ACTN1: variants seen among roughly 807,000 people sequenced by gnomAD.
The protein encoded by ACTN1 is alpha-actinin-1.
Under a neutral mutation model 119.6 loss-of-function variants are expected in ACTN1, and 30 were observed. The observed-to-expected ratio is 0.25, with a 90% CI of 0.19 to 0.34. The LOEUF (loss-of-function observed/expected upper bound fraction) is 0.34. ACTN1 is among the 10% of genes least tolerant of loss of function. The pLI is 1.00. For synonymous variants in ACTN1, 429 were observed against 472.6 expected, an observed-to-expected ratio of 0.91 and a Z score of 1.20; for missense variants, 764 against 1,223.4, an observed-to-expected ratio of 0.62 and a Z score of 5.60.
intron 7 of ACTN1, among the ~76,000 whole-genome samples, chr14:68,903,646 G>A (rs1181689785): frequency 6.6e-6 from 1 of 152,188 alleles, no homozygotes; most frequent in Non-Finnish European, 1.5e-5. Context: ...GCACTGAGCA[G>A]TTGGGGCCAA....
At chr14:68,961,102 C>A (rs764264456) in intron 1 of ACTN1, among the ~76,000 whole-genome samples, 2 of 152,074 alleles carry the variant, frequency 1.3e-5, no homozygotes, top group East Asian at 1.9e-4. Context: ...CTGTTATACA[C>A]GAGACTTTTA....
At chr14:68,923,015 C>T (rs1284383171) in intron 2 of ACTN1, among the ~76,000 whole-genome samples, 2 of 152,246 alleles carry the variant, frequency 1.3e-5, no homozygotes, top group Non-Finnish European at 2.9e-5. Flanking sequence ...CAGAACAGAT[C>T]TTTCCCAACC....
rs2030603395 is a variant in ACTN1 at position 68,874,409 on chromosome 14, G to A, written c.*450C>T. On this transcript the variant is annotated 3_prime_UTR_variant, in exon 22 of 22. Transcript: ENST00000394419. ...TGCACCAATGTGCCTTTTGACAAGA[G>A]TACCCCCTACCCCGACTCCCACACC... is the stretch of plus-strand genomic sequence containing the variant. The A allele has an allele frequency of 1.3e-5, 2 of 153,780 alleles. No homozygotes were observed. The highest frequency in any genetic ancestry group is 2.4e-5 in the African/African-American group (1 of 41,406). 9.5% of individuals were successfully genotyped at this position (153,780 alleles called of 1,614,324 possible). A position where few individuals can be genotyped will look rare whatever the true frequency, so the allele number is the denominator to read the frequency against.
At chr14:68,881,256 A>T (rs959014155) in intron 16 of ACTN1, 3 of 401,936 alleles carry the variant, frequency 7.5e-6, no homozygotes, top group African/African-American at 2.0e-5. Context: ...AGCCTCAGAA[A>T]GGGGATGCAG....
chr14:68,907,956 C>T (rs2033767188), intron 6 of ACTN1, among the ~76,000 whole-genome samples: 2 of 152,178 alleles, frequency 1.3e-5, no homozygotes, highest in Admixed American at 1.3e-4. Flanking sequence ...GAATATTCCC[C>T]CTTGGCCACG....
chr14:68,882,727 G>A lies in ACTN1; in HGVS notation c.1819-135C>T. The A allele has an allele frequency of 6.6e-7, 1 of 1,507,646 alleles. No homozygotes were observed. The highest frequency in any genetic ancestry group is 1.9e-5 in the Admixed American group (1 of 53,902). 93.4% of individuals were successfully genotyped at this position (1,507,646 alleles called of 1,614,324 possible). ...GGAGTAAAGGTGTCAACCTGTTCTG[G>A]AAACCCAGTCATTTGACATTTGGAC... On this transcript the variant is annotated intron_variant, in intron 15 of 21. Transcript: ENST00000394419. The surrounding 1 kb of genome is among the most constrained non-coding windows in gnomAD (Gnocchi z 4.5).
Position 68,879,962 on chromosome 14 carries a change from C to T in ACTN1, c.2280G>A (p.Arg760=), listed in dbSNP as rs1390118790. Reference sequence around the variant, plus strand: ...AGAAAGCACAGGATGGGGCTCTCACCCGGTCAAAGTGGTTGAAGGAGGCCC... The same window carrying T: ...AGAAAGCACAGGATGGGGCTCTCACTCGGTCAAAGTGGTTGAAGGAGGCCC... ...EFRASFNHFD[R]DHSGTLGPEE... The change falls in exon 18 of 22, where the codon CGG becomes CGA. Residue 760 remains arginine, a splice_region_variant and synonymous_variant. Transcript: ENST00000394419. The surrounding 1 kb of genome is among the most constrained non-coding windows in gnomAD (Gnocchi z 4.9). 1 of 1,614,028 alleles carries T rather than the reference C, an allele frequency of 6.2e-7. No homozygotes were observed. The highest frequency in any genetic ancestry group is 2.2e-5 in the East Asian group (1 of 44,882).
At position 68,885,285 on chromosome 14, in the gene ACTN1, C is replaced by T. The variant is rs763679305; in HGVS notation, c.1385+140G>A. 35 of 1,126,082 alleles carry T rather than the reference C, an allele frequency of 3.1e-5. No homozygotes were observed. The highest frequency in any genetic ancestry group is 3.8e-5 in the Non-Finnish European group (31 of 817,684). The allele number at this position is 1,126,082 out of a possible 1,614,324, so 69.8% of individuals were successfully genotyped here. On this transcript the variant is annotated intron_variant, in intron 12 of 21. Coordinates refer to ENST00000394419, the MANE Select transcript of ACTN1 (RefSeq NM_001130004.2). This position sits in a 1 kb window ranked among gnomAD's most constrained non-coding sequence, Gnocchi z 5.6. The stretch of plus-strand genomic sequence containing the variant: ...CACCAGGAGAGATATTTGTCTCCTG[C>T]GTTGACTCCCTCCCCACCTGGGCAC...
At chr14:68,888,992 A>G (rs2032257188) in intron 11 of ACTN1, among the ~76,000 whole-genome samples, 1 of 151,824 alleles carries the variant, frequency 6.6e-6, no homozygotes, top group South Asian at 2.1e-4. Context: ...CTCATCTCCA[A>G]CCTAAGATCT....
chr14:68,974,114 A>G (rs1446632135), intron 1 of ACTN1: 1 of 152,750 alleles, frequency 6.5e-6, no homozygotes, highest in African/African-American at 2.4e-5. Flanking sequence ...CAGGAAAACC[A>G]CAGGTGGGTT....
Position 68,882,704 on chromosome 14 carries a change from A to T in ACTN1, c.1819-112T>A, listed in dbSNP as rs935271243. On this transcript the variant is annotated intron_variant, in intron 15 of 21. Transcript: ENST00000394419. The surrounding 1 kb of genome is among the most constrained non-coding windows in gnomAD (Gnocchi z 4.5). Reference sequence around the variant, plus strand: ...AAGGGCCGGTCAGTAACAGAACAGGAGTAAAGGTGTCAACCTGTTCTGGAA... The same window carrying T: ...AAGGGCCGGTCAGTAACAGAACAGGTGTAAAGGTGTCAACCTGTTCTGGAA... 10 of 1,535,806 alleles carry T rather than the reference A, an allele frequency of 6.5e-6. No individual in the cohort carries two copies. Among genetic ancestry groups the T allele is most frequent in the Non-Finnish European group, 8.9e-6 (10 of 1,128,270 alleles).
chr14:68,925,763 T>G lies in ACTN1; in HGVS notation c.106-91A>C, dbSNP rs2034893117. On this transcript the variant is annotated intron_variant, in intron 1 of 21. Coordinates refer to ENST00000394419, the MANE Select transcript of ACTN1 (RefSeq NM_001130004.2). This position sits in a 1 kb window ranked among gnomAD's most constrained non-coding sequence, Gnocchi z 4.3. ...TTTAATGGTGCCAGGGGGTGGGAGGTGGACACCTACTCAGCAGAGCCTCTC... is the reference window on the plus strand; with the variant it reads ...TTTAATGGTGCCAGGGGGTGGGAGGGGGACACCTACTCAGCAGAGCCTCTC... The G allele has an allele frequency of 1.0e-6, 1 of 975,950 alleles. No individual in the cohort carries two copies. The highest frequency in any genetic ancestry group is 1.6e-6 in the Non-Finnish European group (1 of 641,528). The allele number at this position is 975,950 out of a possible 1,614,324, so 60.5% of individuals were successfully genotyped here.
chr14:68,968,683 C>T (rs886623966), intron 1 of ACTN1, among the ~76,000 whole-genome samples: 1 of 152,242 alleles, frequency 6.6e-6, no homozygotes, highest in Non-Finnish European at 1.5e-5. Flanking sequence ...TGTGAACTGG[C>T]TTCAAGGTCA....
intron 1 of ACTN1, among the ~76,000 whole-genome samples, chr14:68,971,968 G>T (rs963194962): frequency 2.0e-5 from 3 of 152,096 alleles, no homozygotes; most frequent in African/African-American, 7.2e-5. Context: ...GCCTCCTTTG[G>T]GGGGCACCCT....
At chr14:68,950,286 T>C (rs8016977) in intron 1 of ACTN1, among the ~76,000 whole-genome samples, 107,696 of 139,158 alleles carry the variant, frequency 0.77, 42,741 homozygotes, top group East Asian at 1. Context: ...CAGAGTGAGT[T>C]GTTGTCTCAA....
chr14:68,956,491 G>A (rs1191046943), intron 1 of ACTN1, among the ~76,000 whole-genome samples: 2 of 152,164 alleles, frequency 1.3e-5, no homozygotes, highest in African/African-American at 4.8e-5. Flanking sequence ...CTCTAACAGA[G>A]CATTTGGTTC....
At chr14:68,978,895 G>C in intron 1 of ACTN1, 57 bp downstream of exon 1, 28 of 1,250,784 alleles carry the variant, frequency 2.2e-5, no homozygotes, top group South Asian at 4.2e-5. Flanking sequence ...CAGGCAGAGC[G>C]GGTCGGGGCT....
chr14:68,876,144 A>C (rs1013346542), intron 21 of ACTN1, among the ~76,000 whole-genome samples: 1 of 152,078 alleles, frequency 6.6e-6, no homozygotes, highest in African/African-American at 2.4e-5. Flanking sequence ...TTACAGGTGC[A>C]CGCCACCACG....
intron 14 of ACTN1, chr14:68,883,403 T>C: frequency 4.3e-6 from 1 of 233,516 alleles, no homozygotes; most frequent in African/African-American, 2.2e-5. Context: ...AAATCCAGTA[T>C]TCTGCAACTG....
Sources: allele counts gnomAD v4.1 joint callset (sites outside exome capture counted in the v4.1 genomes callset), GRCh38; gene constraint gnomAD v4.1.1; non-coding constraint Gnocchi (gnomAD v3.1); transcripts MANE v1.5; gene names NCBI Gene and HGNC (gene_info 2026-07-23, HGNC 2026-07-21).